The following STAG1 variants were observed in gnomAD, a reference collection of about 807,000 sequenced individuals.
STAG1 encodes cohesin subunit SA-1.
Under a neutral mutation model 170.9 loss-of-function variants are expected in STAG1, and 26 were observed. That is an observed-to-expected ratio of 0.15 (90% CI 0.11 to 0.21). The LOEUF (loss-of-function observed/expected upper bound fraction) is 0.21. Ranked by LOEUF, STAG1 falls within the 10% of genes least tolerant of loss-of-function variation. The probability of loss-of-function intolerance (pLI) is 1.00; values close to 1 mark genes in which losing one functional copy is unlikely to be tolerated. For missense variants in STAG1, 964 were observed against 1,509.5 expected (o/e 0.64, Z 5.99); for synonymous variants, 514 against 497.7 (o/e 1.03, Z -0.44).
chr3:136,546,188 T>C (rs1286125926), intron 5 of STAG1, among the ~76,000 whole-genome samples: 2 of 152,178 alleles, frequency 1.3e-5, no homozygotes, highest in Non-Finnish European at 2.9e-5. Flanking sequence ...ACTATTAAAA[T>C]AAGTTCATAT....
At chr3:136,431,275 ACTTTT>A (rs1023967093) in intron 16 of STAG1, among the ~76,000 whole-genome samples, 1 of 149,168 alleles carries the variant, frequency 6.7e-6, no homozygotes, top group Non-Finnish European at 1.5e-5. Context: ...GGCTTGAAGG[ACTTTT>A]CTTTTTTTTT....
chr3:136,553,261 C>T (rs988326476), intron 5 of STAG1, among the ~76,000 whole-genome samples: 7 of 151,604 alleles, frequency 4.6e-5, no homozygotes, highest in African/African-American at 1.5e-4. Context: ...GAAAGCTGCA[C>T]AGAAATTCAA....
At chr3:136,382,011 ATAGT>A (rs1175189947) in intron 22 of STAG1, among the ~76,000 whole-genome samples, 2 of 152,326 alleles carry the variant, frequency 1.3e-5, no homozygotes, top group East Asian at 1.9e-4. Context: ...TATTTAATAA[ATAGT>A]TACTCAATGA....
intron 1 of STAG1, among the ~76,000 whole-genome samples, chr3:136,751,139 A>C (rs1935204562): frequency 6.6e-6 from 1 of 151,998 alleles, no homozygotes. Flanking sequence ...CACCAACTTT[A>C]ACAGCAAATA....
intron 1 of STAG1, among the ~76,000 whole-genome samples, chr3:136,644,711 TTGCTTTTATTTTTTC>T (rs1175762193): frequency 2.6e-5 from 4 of 152,122 alleles, no homozygotes; most frequent in Non-Finnish European, 4.4e-5. Flanking sequence ...CATTTTTTTT[TTGCTTTTATTTTTTC>T]TGCTTTTATT....
chr3:136,380,347 T>C (rs1010815736), intron 22 of STAG1, among the ~76,000 whole-genome samples: 1 of 151,938 alleles, frequency 6.6e-6, no homozygotes, highest in African/African-American at 2.4e-5. Flanking sequence ...GTTCAAGCAA[T>C]TCTGCTGCCT....
At chr3:136,725,785 C>G (rs1470882143) in intron 1 of STAG1, among the ~76,000 whole-genome samples, 2 of 152,188 alleles carry the variant, frequency 1.3e-5, no homozygotes, top group Non-Finnish European at 2.9e-5. Flanking sequence ...CTATTGTACC[C>G]TAAAATAGTG....
chr3:136,585,140 C>CAA (rs1937745469), intron 4 of STAG1, among the ~76,000 whole-genome samples: 1 of 152,160 alleles, frequency 6.6e-6, no homozygotes. Context: ...TTCTCACTTA[C>CAA]GTCTTTTAAA....
intron 2 of STAG1, among the ~76,000 whole-genome samples, chr3:136,625,190 G>GT (rs1487206984): frequency 6.6e-6 from 1 of 152,154 alleles, no homozygotes; most frequent in African/African-American, 2.4e-5. Context: ...ATAGCAAATG[G>GT]TAAGTCCAAC....
intron 1 of STAG1, among the ~76,000 whole-genome samples, chr3:136,748,989 G>A (rs1268545570): frequency 6.6e-6 from 1 of 152,238 alleles, no homozygotes; most frequent in Middle Eastern, 3.4e-3. Context: ...TCCTCTCCTT[G>A]TATGTCCGGA....
chr3:136,551,256 A>G (rs866046604), intron 5 of STAG1, among the ~76,000 whole-genome samples: 92 of 129,968 alleles, frequency 7.1e-4, no homozygotes, highest in Admixed American at 2.2e-3. Flanking sequence ...AGAGAGAGAG[A>G]GAGAGGGAGA....
At chr3:136,515,411 T>C (rs979546564) in intron 7 of STAG1, among the ~76,000 whole-genome samples, 2 of 152,174 alleles carry the variant, frequency 1.3e-5, no homozygotes, top group Admixed American at 1.3e-4. Flanking sequence ...AAGTGACTTA[T>C]GTATGTTACA....
intron 1 of STAG1, among the ~76,000 whole-genome samples, chr3:136,637,523 A>G (rs1940616664): frequency 6.6e-6 from 1 of 152,198 alleles, no homozygotes; most frequent in Non-Finnish European, 1.5e-5. Flanking sequence ...ACTGTAAAAG[A>G]CTATTTTTAA....
chr3:136,461,979 TAAG>T (rs1470115243), intron 13 of STAG1, among the ~76,000 whole-genome samples: 1 of 151,956 alleles, frequency 6.6e-6, no homozygotes, highest in African/African-American at 2.4e-5. Context: ...AAAGTGCAAA[TAAG>T]AAATCACAAT....
Position 136,666,813 on chromosome 3 carries a change from C to A in STAG1, c.-83-35832G>T, listed in dbSNP as rs1185805219. ...CCAGCCTGGGTGACAGAGTGAAACT[C>A]TGTCTTTAAAAAAAAAAAAAAAAAC... On this transcript the variant is annotated intron_variant, in intron 1 of 33. Coordinates refer to ENST00000383202, the MANE Select transcript of STAG1 (RefSeq NM_005862.3). Among the ~76,000 whole-genome samples, 5 of 147,794 alleles carry A rather than the reference C, an allele frequency of 3.4e-5. No homozygotes were observed. The Admixed American group carries it at 3.4e-4, about 10-fold the overall frequency.
At chr3:136,541,544 A>ACACACACACACT (rs1164451011) in intron 6 of STAG1, among the ~76,000 whole-genome samples, 10 of 139,322 alleles carry the variant, frequency 7.2e-5, no homozygotes, top group South Asian at 6.8e-4. Context: ...ACATTCACAC[A>ACACACACACACT]CACACACACA....
chr3:136,563,204 G>A (rs1031926169), intron 5 of STAG1, among the ~76,000 whole-genome samples: 1 of 152,050 alleles, frequency 6.6e-6, no homozygotes, highest in African/African-American at 2.4e-5. Flanking sequence ...TTTGAGACTG[G>A]GTAAATATTG....
chr3:136,668,453 A>G (rs1484524239), intron 1 of STAG1, among the ~76,000 whole-genome samples: 1 of 147,344 alleles, frequency 6.8e-6, no homozygotes, highest in Non-Finnish European at 1.5e-5. Context: ...TTATATTTAT[A>G]TATCTATAAA....
intron 26 of STAG1, among the ~76,000 whole-genome samples, chr3:136,359,724 G>T (rs1454833432): frequency 6.6e-6 from 1 of 152,080 alleles, no homozygotes; most frequent in African/African-American, 2.4e-5. Flanking sequence ...GGCCAAGCTG[G>T]TCTCAAACTC....
Sources: gnomAD v4.1 joint callset for allele counts (sites outside exome capture counted in the v4.1 genomes callset) on GRCh38, gnomAD v4.1.1 for gene constraint, MANE v1.5 for transcripts, NCBI Gene and HGNC (gene_info 2026-07-23, HGNC 2026-07-21) for gene names.